The following SNRNP27 variants were observed in gnomAD, a reference collection of about 807,000 sequenced individuals.
SNRNP27 encodes small nuclear ribonucleoprotein U4/U6.U5 subunit 27, also known as U4/U6.U5 small nuclear ribonucleoprotein 27 kDa protein.
Under a neutral mutation model 25.1 loss-of-function variants are expected in SNRNP27, and 22 were observed. That is an observed-to-expected ratio of 0.88 (90% CI 0.63 to 1.25). The LOEUF (loss-of-function observed/expected upper bound fraction) is 1.25. Among genes scored for constraint, SNRNP27 ranks in the 50% most tolerant of loss-of-function variants. The pLI is 0.00. For synonymous variants in SNRNP27, 66 were observed against 64.9 expected, an observed-to-expected ratio of 1.02 and a Z score of -0.08; for missense variants, 150 against 202.3, an observed-to-expected ratio of 0.74 and a Z score of 1.57.
intron 1 of SNRNP27, 30 bp from the exon 2 acceptor site, chr2:69,895,064 A>G: frequency 3.1e-6 from 5 of 1,610,046 alleles, no homozygotes; most frequent in Non-Finnish European, 4.2e-6. Context: ...GGTAATTATC[A>G]GTTCTGCAAT....
chr2:69,904,833 A>ACCC lies in SNRNP27; in HGVS notation c.*525_*526insCCC, dbSNP rs1676767602. 1 of 128,028 alleles carries ACCC rather than the reference A, an allele frequency of 7.8e-6. No homozygotes were observed. Among genetic ancestry groups the ACCC allele is most frequent in the Non-Finnish European group, 1.7e-5 (1 of 59,780 alleles). 7.9% of individuals were successfully genotyped at this position (128,028 alleles called of 1,614,324 possible). A position where few individuals can be genotyped will look rare whatever the true frequency, so the allele number is the denominator to read the frequency against. On this transcript the variant is annotated 3_prime_UTR_variant, in exon 6 of 6. Transcript: ENST00000244227. ...TTCTGTGGTCGCCCGCCCCCCCCCAAAAAAATACCATTTATGGTTCTCTCC... is the reference window on the plus strand; with the variant it reads ...TTCTGTGGTCGCCCGCCCCCCCCCAACCCAAAAATACCATTTATGGTTCTCTCC...
intron 4 of SNRNP27, 101 bp from the exon 5 acceptor site, chr2:69,903,080 G>A (rs1338394618): frequency 7.6e-6 from 7 of 916,484 alleles, no homozygotes; most frequent in South Asian, 2.7e-5. Flanking sequence ...CAAGTAGCTG[G>A]GAGTACAGGT....
At chr2:69,898,867 A>G (rs991463115) in intron 4 of SNRNP27, among the ~76,000 whole-genome samples, 3 of 152,234 alleles carry the variant, frequency 2.0e-5, no homozygotes, top group African/African-American at 7.2e-5. Flanking sequence ...TATTTTATAA[A>G]TGAAAGTTTA....
chr2:69,902,210 C>T (rs980335766), intron 4 of SNRNP27, among the ~76,000 whole-genome samples: 2 of 150,504 alleles, frequency 1.3e-5, no homozygotes, highest in Non-Finnish European at 3.0e-5. Context: ...CTTCCTCCTT[C>T]CTCCTCCCTC....
intron 4 of SNRNP27, among the ~76,000 whole-genome samples, chr2:69,899,576 C>G (rs931923830): frequency 6.6e-6 from 1 of 151,886 alleles, no homozygotes; most frequent in Admixed American, 6.6e-5. Flanking sequence ...ATTACAGGCG[C>G]CTGCCACCAC....
intron 1 of SNRNP27, 131 bp downstream of exon 1, chr2:69,894,149 G>A: frequency 1.3e-6 from 1 of 792,318 alleles, no homozygotes; most frequent in Non-Finnish European, 2.0e-6. Flanking sequence ...AGCGAGGGGT[G>A]GATAAAGGAA....
At chr2:69,896,127 C>T (rs539211015) in intron 2 of SNRNP27, among the ~76,000 whole-genome samples, 1 of 152,170 alleles carries the variant, frequency 6.6e-6, no homozygotes, top group East Asian at 1.9e-4. Flanking sequence ...TCTTAATAAC[C>T]ATCAATTGCT....
At chr2:69,899,602 G>A (rs552762004) in intron 4 of SNRNP27, among the ~76,000 whole-genome samples, 36 of 151,870 alleles carry the variant, frequency 2.4e-4, no homozygotes, top group African/African-American at 7.2e-4. Context: ...GCTAATTTTC[G>A]TATTTTTAGT....
chr2:69,898,105 G>T (rs1465627770), intron 4 of SNRNP27, among the ~76,000 whole-genome samples: 1 of 99,060 alleles, frequency 1.0e-5, no homozygotes, highest in Non-Finnish European at 1.9e-5. Context: ...GGAGCTGGGG[G>T]AAGTGGGAGT....
intron 5 of SNRNP27, 90 bp downstream of exon 5, chr2:69,903,335 G>T (rs1676742000): frequency 1.0e-6 from 1 of 953,588 alleles, no homozygotes; most frequent in Non-Finnish European, 1.7e-6. Context: ...TGTAGGAAAT[G>T]TAGCAGTTTT....
In SNRNP27 at chr2:69,903,248, A is replaced by G; in HGVS notation, c.413+3A>G. The G allele has an allele frequency of 6.2e-7, 1 of 1,600,326 alleles. No homozygotes were observed. Among genetic ancestry groups the G allele is most frequent in the Non-Finnish European group, 8.6e-7 (1 of 1,167,494 alleles). Reference sequence around the variant, plus strand: ...GTCTCTCAGAAGAGGAAGTACAGGTATGCATAGCCCCCATTATTATGTTTG... The same window carrying G: ...GTCTCTCAGAAGAGGAAGTACAGGTGTGCATAGCCCCCATTATTATGTTTG... On this transcript the variant is annotated splice_donor_region_variant and intron_variant, in intron 5 of 5. Coordinates refer to ENST00000244227, the MANE Select transcript of SNRNP27 (RefSeq NM_006857.3).
In SNRNP27 at chr2:69,896,474, C is replaced by T. The variant is rs1434339784; in HGVS notation, c.194C>T (p.Ser65Phe). The T allele has an allele frequency of 6.2e-7, 1 of 1,611,692 alleles. No homozygotes were observed. Among genetic ancestry groups the T allele is most frequent in the Admixed American group, 1.7e-5 (1 of 59,998 alleles). Residue 65 changes from serine to phenylalanine, a missense_variant, in exon 3 of 6, where the codon TCT (serine) becomes TTT (phenylalanine). Around this residue, in one of 2 missense-constraint regions of SNRNP27, gnomAD observed 142 missense variants for 168.6 expected, o/e 0.84. Transcript: ENST00000244227. ...CATAGATCCACATCTCCTTCCCCTT[C>T]TCGACTGAAAGAAAGAAGAGATGAG... ...RRHRSTSPSP[S>F]RLKERRDEEK...
At chr2:69,897,325 T>C (rs141071130) in intron 3 of SNRNP27, 52 bp from the exon 4 acceptor site, 3 of 1,221,450 alleles carry the variant, frequency 2.5e-6, no homozygotes, top group African/African-American at 1.5e-5. Context: ...TCTTTTTATT[T>C]ATGTATATAT....
chr2:69,895,664 A>G (rs567560353), intron 2 of SNRNP27, among the ~76,000 whole-genome samples: 70 of 152,152 alleles, frequency 4.6e-4, no homozygotes, highest in South Asian at 3.3e-3. Flanking sequence ...GGTTCAAGCA[A>G]TTCTGCTGCT....
At chr2:69,901,875 G>A (rs903854620) in intron 4 of SNRNP27, among the ~76,000 whole-genome samples, 2 of 152,106 alleles carry the variant, frequency 1.3e-5, no homozygotes, top group Non-Finnish European at 1.5e-5. Context: ...CAAGAAATGG[G>A]ATTTAGATGA....
chr2:69,897,669 C>CA, intron 4 of SNRNP27: 1 of 526,488 alleles, frequency 1.9e-6, no homozygotes, highest in Middle Eastern at 5.2e-4. Flanking sequence ...TTTTAAAGGA[C>CA]AAGTAGAAGT....
chr2:69,902,332 G>A (rs938032611), intron 4 of SNRNP27, among the ~76,000 whole-genome samples: 1 of 147,130 alleles, frequency 6.8e-6, no homozygotes, highest in African/African-American at 2.5e-5. Context: ...CTCTACTTCC[G>A]CTGCTGCTGC....
At chr2:69,894,202 T>C (rs1330497375) in intron 1 of SNRNP27, among the ~76,000 whole-genome samples, 184 bp downstream of exon 1, 1 of 152,226 alleles carries the variant, frequency 6.6e-6, no homozygotes, top group African/African-American at 2.4e-5. Context: ...CCTCTCCGGT[T>C]TGAAGGCAGT....
At chr2:69,896,825 CA>C (rs917652784) in intron 3 of SNRNP27, among the ~76,000 whole-genome samples, 10 of 152,120 alleles carry the variant, frequency 6.6e-5, no homozygotes, top group Non-Finnish European at 8.8e-5. Context: ...AGGCACCCGC[CA>C]CTATGCCCGG....
Sources: gnomAD v4.1 joint callset for allele counts (sites outside exome capture counted in the v4.1 genomes callset) on GRCh38, gnomAD v4.1.1 for gene constraint, gnomAD v4.1.1 regional missense constraint, MANE v1.5 for transcripts, NCBI Gene and HGNC (gene_info 2026-07-23, HGNC 2026-07-21) for gene names.